Variants in SLC45A1 observed in about 807,000 individuals in gnomAD.
SLC45A1 encodes the protein solute carrier family 45 member 1.
In SLC45A1, 28 loss-of-function variants were observed where a neutral mutation model predicts 57.6. The ratio of observed to expected loss-of-function variants is 0.49; its 90% CI spans 0.36 to 0.67. SLC45A1 has a LOEUF of 0.67. Ranked by LOEUF, SLC45A1 falls within the 30% of genes least tolerant of loss-of-function variation. SLC45A1 has a pLI of 0.00. For missense variants in SLC45A1, 814 were observed against 1,041.5 expected (o/e 0.78, Z 3.01); for synonymous variants, 459 against 471.5 (o/e 0.97, Z 0.34).
At chr1:8,318,444 G>GCA (rs1639891280) in intron 1 of SLC45A1, among the ~76,000 whole-genome samples, 1 of 152,262 alleles carries the variant, frequency 6.6e-6, no homozygotes, top group Admixed American at 6.5e-5. Flanking sequence ...CTGGCAAGGG[G>GCA]AGGAGACCCC....
chr1:8,340,442 G>A (rs1301399055), intron 8 of SLC45A1, among the ~76,000 whole-genome samples: 1 of 152,164 alleles, frequency 6.6e-6, no homozygotes, highest in Non-Finnish European at 1.5e-5. Context: ...GATTACAGGC[G>A]TGAGCCACCG....
At position 8,332,603 on chromosome 1, in the gene SLC45A1, C is replaced by T. The variant is rs144810319; in HGVS notation, c.1443+1667C>T. Among the ~76,000 whole-genome samples, 1,311 of 151,866 alleles carry T rather than the reference C, an allele frequency of 8.6e-3. 15 individuals carry two copies. Among genetic ancestry groups the T allele is most frequent in the African/African-American group, 0.03 (1,245 of 41,376 alleles). On this transcript the variant is annotated intron_variant, in intron 5 of 8. Transcript: ENST00000471889. ...CTTGGCTCACTGCAACCTCTGCCTCCCGGGTTCAAGTGATTCTCCTGCTTC... is the reference window on the plus strand; with the variant it reads ...CTTGGCTCACTGCAACCTCTGCCTCTCGGGTTCAAGTGATTCTCCTGCTTC...
rs1474152872 is a variant in SLC45A1 at position 8,330,088 on chromosome 1, G to A, written c.716-121G>A. 3.1e-6 allele frequency: 4 copies of A among 1,274,660 alleles called. No homozygotes were observed. The highest frequency in any genetic ancestry group is 3.0e-5 in the African/African-American group (2 of 66,384). 79.0% of individuals were successfully genotyped at this position (1,274,660 alleles called of 1,614,324 possible). ...TTTTGTTGGGGTTTAGGTGGAACAG[G>A]TTCTGTGCCCACGTCCCTGGAATGG... On this transcript the variant is annotated intron_variant, in intron 4 of 8. Transcript: ENST00000471889. The surrounding 1 kb of genome is among the most constrained non-coding windows in gnomAD (Gnocchi z 8.4).
In SLC45A1 at chr1:8,335,934, T is replaced by G; in HGVS notation, c.1597+344T>G. 1.2e-5 allele frequency: 3 copies of G among 257,216 alleles called. No homozygotes were observed. Among genetic ancestry groups the G allele is most frequent in the Admixed American group, 5.3e-5 (1 of 18,726 alleles). The allele number at this position is 257,216 out of a possible 1,614,324, so 15.9% of individuals were successfully genotyped here. ...AATGATGGACCCACACCTTCCCACC[T>G]TCCCACCTTCCAACTTTGTCTTGCT... On this transcript the variant is annotated intron_variant, in intron 6 of 8. Transcript: ENST00000471889. This position sits in a 1 kb window ranked among gnomAD's most constrained non-coding sequence, Gnocchi z 4.1.
chr1:8,340,255 C>T (rs921989289), intron 8 of SLC45A1, among the ~76,000 whole-genome samples: 20 of 151,812 alleles, frequency 1.3e-4, no homozygotes, highest in African/African-American at 4.3e-4. Context: ...CTCCGCCTCC[C>T]GGGTTCAAGT....
At chr1:8,319,960 C>T (rs1639949557) in intron 1 of SLC45A1, among the ~76,000 whole-genome samples, 1 of 152,168 alleles carries the variant, frequency 6.6e-6, no homozygotes, top group Admixed American at 6.5e-5. Flanking sequence ...TCAGGTGATC[C>T]ACCCACCTCG....
chr1:8,340,244 C>A (rs1640767782), intron 8 of SLC45A1, among the ~76,000 whole-genome samples: 1 of 150,872 alleles, frequency 6.6e-6, no homozygotes, highest in Non-Finnish European at 1.5e-5. Context: ...CTCACTGCAA[C>A]CTCCGCCTCC....
At chr1:8,324,794 C>A in intron 2 of SLC45A1, 68 bp downstream of exon 2, 1 of 1,366,828 alleles carries the variant, frequency 7.3e-7, no homozygotes, top group Non-Finnish European at 9.8e-7. Flanking sequence ...TCGCAGTAGC[C>A]TGAGGGTCCT....
At position 8,324,503 on chromosome 1, in the gene SLC45A1, C is replaced by CAG; in HGVS notation, c.174_175insAG (p.Pro61HisfsTer49). On this transcript the variant is annotated frameshift_variant, in exon 2 of 9. Transcript: ENST00000471889. LOFTEE classifies it high-confidence loss of function. The stretch of plus-strand genomic sequence containing the variant: ...CCAAGAGGAGGAAGTGCATTCGTCC[C>CAG]TCCCCACCCCCGCCCCCCAACACCC... 1.2e-6 allele frequency: 2 copies of CAG among 1,605,638 alleles called. No individual in the cohort carries two copies. The highest frequency in any genetic ancestry group is 1.7e-6 in the Non-Finnish European group (2 of 1,174,040).
intron 6 of SLC45A1, among the ~76,000 whole-genome samples, chr1:8,337,443 G>C (rs1443658941): frequency 6.6e-6 from 1 of 152,018 alleles, no homozygotes; most frequent in Non-Finnish European, 1.5e-5. Flanking sequence ...TTTTGAAATG[G>C]AGTCTCGCTC....
In SLC45A1 at chr1:8,335,489, C is replaced by T. The variant is rs1453282886; in HGVS notation, c.1496C>T (p.Ser499Phe). The T allele has an allele frequency of 9.4e-6, 15 of 1,602,162 alleles. No homozygotes were observed. The highest frequency in any genetic ancestry group is 1.3e-5 in the Non-Finnish European group (15 of 1,179,632). ...GVKYESELTG[S>F]SERAEQPLSV... ...AAGTATGAGAGCGAGCTGACGGGCT[C>T]CAGCGAGCGCGCGGAGCAGCCTCTG... Residue 499 changes from serine to phenylalanine, a missense_variant, in exon 6 of 9, where the codon TCC (serine) becomes TTC (phenylalanine). By Grantham distance (155) the Ser-to-Phe change is radical. Transcript: ENST00000471889. The surrounding 1 kb of genome is among the most constrained non-coding windows in gnomAD (Gnocchi z 4.1).
At chr1:8,332,510 G>T (rs1227632277) in intron 5 of SLC45A1, among the ~76,000 whole-genome samples, 1 of 149,706 alleles carries the variant, frequency 6.7e-6, no homozygotes, top group Non-Finnish European at 1.5e-5. Flanking sequence ...TTCACGGGCT[G>T]ATTTTTTTTT....
chr1:8,322,742 G>A (rs567608404), intron 1 of SLC45A1, among the ~76,000 whole-genome samples: 39 of 152,294 alleles, frequency 2.6e-4, no homozygotes, highest in Admixed American at 6.5e-4. Flanking sequence ...AATGACAAGC[G>A]CCATCATCAG....
chr1:8,321,395 A>G (rs1048120347), intron 1 of SLC45A1, among the ~76,000 whole-genome samples: 1 of 152,024 alleles, frequency 6.6e-6, no homozygotes, highest in African/African-American at 2.4e-5. Flanking sequence ...CCTTGGAATA[A>G]AACCCATCTC....
chr1:8,341,408 G>A (rs866175029), intron 8 of SLC45A1, among the ~76,000 whole-genome samples: 3 of 151,006 alleles, frequency 2.0e-5, no homozygotes, highest in South Asian at 2.1e-4. Flanking sequence ...GGTGGCGGAC[G>A]CCTATAGTCC....
intron 6 of SLC45A1, among the ~76,000 whole-genome samples, chr1:8,336,582 C>G (rs959653682): frequency 1.3e-5 from 2 of 152,096 alleles, no homozygotes; most frequent in African/African-American, 4.8e-5. Context: ...TAATCAAAGA[C>G]TATATTCAGA....
chr1:8,324,048 G>T (rs941460038), intron 1 of SLC45A1, among the ~76,000 whole-genome samples: 2 of 152,156 alleles, frequency 1.3e-5, no homozygotes, highest in African/African-American at 4.8e-5. Flanking sequence ...CTGTTTGGGG[G>T]ATGGTCCCTT....
At position 8,325,513 on chromosome 1, in the gene SLC45A1, C is replaced by G. The variant is rs1482742962; in HGVS notation, c.490+123C>G. On this transcript the variant is annotated intron_variant, in intron 3 of 8. Coordinates refer to ENST00000471889, the MANE Select transcript of SLC45A1 (RefSeq NM_001080397.3). The surrounding 1 kb of genome is among the most constrained non-coding windows in gnomAD (Gnocchi z 6.3). ...TTACCCAGATAGCTCTGGGCCCGCACTGGTGTGAGGCAGGGAGTGCCCCGC... is the reference window on the plus strand; with the variant it reads ...TTACCCAGATAGCTCTGGGCCCGCAGTGGTGTGAGGCAGGGAGTGCCCCGC... The G allele has an allele frequency of 4.2e-6, 3 of 718,224 alleles. No individual in the cohort carries two copies. The African/African-American group carries it at 5.4e-5, about 13-fold the overall frequency. The allele number at this position is 718,224 out of a possible 1,614,324, so 44.5% of individuals were successfully genotyped here.
rs976106253 is a variant in SLC45A1 at position 8,343,101 on chromosome 1, G to A, written c.1981-646G>A. 1.3e-5 allele frequency among the ~76,000 whole-genome samples: 2 copies of A among 152,166 alleles called. No homozygotes were observed. Among genetic ancestry groups the A allele is most frequent in the African/African-American group, 4.8e-5 (2 of 41,440 alleles). ...CCTTCTGATGGGGGGAAGCCGCAGG[G>A]GAGGCCCAGGCTCCCAGGTCACAGC... On this transcript the variant is annotated intron_variant, in intron 8 of 8. Transcript: ENST00000471889. The surrounding 1 kb of genome is among the most constrained non-coding windows in gnomAD (Gnocchi z 7.7).
Sources: gnomAD v4.1 joint callset for allele counts (sites outside exome capture counted in the v4.1 genomes callset) on GRCh38, gnomAD v4.1.1 for gene constraint, Gnocchi (gnomAD v3.1) non-coding constraint, MANE v1.5 for transcripts, NCBI Gene and HGNC (gene_info 2026-07-23, HGNC 2026-07-21) for gene names.